The following CTU2 variants were observed in gnomAD, a reference collection of about 807,000 sequenced individuals.
The protein encoded by CTU2 is cytosolic thiouridylase subunit 2, also known as cytoplasmic tRNA 2-thiolation protein 2.
A neutral mutation model predicts 64.1 loss-of-function variants in CTU2; 80 were observed. The ratio of observed to expected loss-of-function variants is 1.25; its 90% confidence interval spans 1.04 to 1.50. The LOEUF (loss-of-function observed/expected upper bound fraction) is 1.50, where lower values mean the gene tolerates loss of function less well. Ranked by LOEUF, CTU2 falls within the 40% of genes most tolerant of loss-of-function variation. The pLI is 0.00. For synonymous variants in CTU2, 482 were observed against 285.3 expected, an observed-to-expected ratio of 1.69 and a Z score of -6.95; for missense variants, 1,110 against 690.2, an observed-to-expected ratio of 1.61 and a Z score of -6.81.
chr16:88,708,532 C>T (rs868743448), intron 2 of CTU2, among the ~76,000 whole-genome samples: 6 of 152,158 alleles, frequency 3.9e-5, no homozygotes, highest in Admixed American at 6.5e-5. Context: ...AGACTCCCCA[C>T]GCCCAAAGCT....
chr16:88,713,974 G>A lies in CTU2; in HGVS notation c.1006-162G>A, dbSNP rs528433160. Among the ~76,000 whole-genome samples, 5 of 152,324 alleles carry A rather than the reference G, an allele frequency of 3.3e-5. No individual in the cohort carries two copies. The South Asian group carries it at 6.2e-4, about 19-fold the overall frequency. On this transcript the variant is annotated intron_variant, in intron 9 of 14. Transcript: ENST00000453996. ...GTGACAGGAGGACCCCACAGTGGGT[G>A]CACTGCTGAAGCGGGTTCTCTGGCT...
chr16:88,715,197 G>C lies in CTU2; in HGVS notation c.1494G>C (p.Gln498His), dbSNP rs762019291. 2.5e-6 allele frequency: 4 copies of C among 1,612,356 alleles called. No individual in the cohort carries two copies. In the South Asian group the frequency reaches 3.3e-5, roughly 13 times the overall value. Residue 498 changes from glutamine to histidine, a missense_variant, in exon 15 of 15, where the codon CAG (glutamine) becomes CAC (histidine). Transcript: ENST00000453996. Reference sequence around the variant, plus strand: ...TTCTCTCTAGGGCCTGGGGCTTGCAGGAGATCCGGGACTGTCTGATTGAGG... The same window carrying C: ...TTCTCTCTAGGGCCTGGGGCTTGCACGAGATCCGGGACTGTCTGATTGAGG... ...QLRTQRAWGL[Q>H]EIRDCLIEDS... is the part of the protein sequence containing the mutation.
At position 88,711,677 on chromosome 16, in the gene CTU2, G is replaced by A; in HGVS notation, c.325G>A (p.Gly109Arg). ...DSAKRLRFVA[G>R]VIFVDEGAAC... ...TGCCAAAAGACTGCGCTTTGTGGCA[G>A]GAGTCATCTTTGTTGACGGTATGTG... The change falls in exon 5 of 15, where the codon GGA becomes AGA. Residue 109 changes from glycine (G) to arginine (R), a missense_variant. Physicochemically the swap from Gly to Arg is moderately radical, Grantham distance 125. Transcript: ENST00000453996. 6.2e-7 allele frequency: 1 copy of A among 1,608,710 alleles called. No homozygotes were observed. The highest frequency in any genetic ancestry group is 8.5e-7 in the Non-Finnish European group (1 of 1,176,726).
At chr16:88,712,534 C>A in intron 6 of CTU2, 88 bp from the exon 7 acceptor site, 1 of 1,531,678 alleles carries the variant, frequency 6.5e-7, no homozygotes, top group East Asian at 2.3e-5. Flanking sequence ...GCCTCACTGC[C>A]GTCTCCCGCA....
chr16:88,711,789 C>G, intron 5 of CTU2, 94 bp downstream of exon 5: 2 of 1,219,130 alleles, frequency 1.6e-6, no homozygotes, highest in African/African-American at 3.0e-5. Flanking sequence ...TGGTGCCGGT[C>G]CTCCCTCTGG....
rs752971342 is a variant in CTU2 at position 88,715,106 on chromosome 16, G to A, written c.1478G>A (p.Arg493Lys). 6.3e-7 allele frequency: 1 copy of A among 1,589,742 alleles called. No individual in the cohort carries two copies. The highest frequency in any genetic ancestry group is 8.6e-7 in the Non-Finnish European group (1 of 1,167,612). Residue 493 changes from arginine (R) to lysine (K), a missense_variant and splice_region_variant, in exon 14 of 15, where the codon AGG (arginine) becomes AAG (lysine). Transcript: ENST00000453996. ...ILAEAQLRTQ[R>K]AWGLQEIRDC... is the part of the protein sequence containing the mutation. ...GCTGAGGCCCAGCTCCGCACACAGA[G>A]GTACTGGGGCCCACACTGCCGTGGC...
chr16:88,708,337 G>C (rs867301053), intron 2 of CTU2, among the ~76,000 whole-genome samples: 32 of 152,196 alleles, frequency 2.1e-4, no homozygotes, highest in Middle Eastern at 3.2e-3. Flanking sequence ...GGATCATTCA[G>C]GTCAGCACGT....
At chr16:88,707,069 A>T (rs1910918150) in intron 1 of CTU2, 67 bp from the exon 2 acceptor site, 2 of 1,521,758 alleles carry the variant, frequency 1.3e-6, no homozygotes, top group African/African-American at 2.7e-5. Context: ...CTGTCTCCCC[A>T]AAGCCCACTA....
Position 88,706,614 on chromosome 16 carries a change from C to A in CTU2, c.68+16C>A. 1 of 1,397,834 alleles carries A rather than the reference C, an allele frequency of 7.2e-7. No individual in the cohort carries two copies. The highest frequency in any genetic ancestry group is 9.2e-7 in the Non-Finnish European group (1 of 1,083,390). The allele number at this position is 1,397,834 out of a possible 1,614,324, so 86.6% of individuals were successfully genotyped here. A position where few individuals can be genotyped will look rare whatever the true frequency, so the allele number is the denominator to read the frequency against. ...CGCGGCCCAGGTAAGAGCTGGCGGC[C>A]GGACCCGCCAGGCCGCCCCTCGCCT... On this transcript the variant is annotated intron_variant, in intron 1 of 14. Transcript: ENST00000453996.
chr16:88,710,586 A>C (rs973910927), intron 4 of CTU2: 13 of 385,812 alleles, frequency 3.4e-5, no homozygotes, highest in African/African-American at 2.2e-4. Context: ...CACAAATCAG[A>C]AGCTGGGTCC....
chr16:88,709,295 T>A (rs1911135887), intron 2 of CTU2: 1 of 152,212 alleles, frequency 6.6e-6, no homozygotes, highest in Non-Finnish European at 1.5e-5. Context: ...AAAATGCAGT[T>A]CCCAGGCCTG....
chr16:88,708,235 GC>G (rs1879970354), intron 2 of CTU2, among the ~76,000 whole-genome samples: 1 of 152,210 alleles, frequency 6.6e-6, no homozygotes, highest in South Asian at 2.1e-4. Flanking sequence ...GGCCAGAAGG[GC>G]TTTTGCTGTG....
At position 88,712,327 on chromosome 16, in the gene CTU2, G is replaced by C; in HGVS notation, c.397G>C (p.Val133Leu). 6.2e-7 allele frequency: 1 copy of C among 1,610,784 alleles called. No individual in the cohort carries two copies. The highest frequency in any genetic ancestry group is 8.5e-7 in the Non-Finnish European group (1 of 1,178,580). Reference sequence around the variant, plus strand: ...GGAGAGATCAAAGACCCTGGCCGAAGTGAAGCCCATTCTGCAAGCAACTGG... The same window carrying C: ...GGAGAGATCAAAGACCCTGGCCGAACTGAAGCCCATTCTGCAAGCAACTGG... ...LEERSKTLAE[V>L]KPILQATGFP... Residue 133 changes from valine to leucine, a missense_variant, in exon 6 of 15, where the codon GTG (valine) becomes CTG (leucine). Val to Leu is a conservative substitution (Grantham distance 32). Transcript: ENST00000453996.
chr16:88,706,681 C>T, intron 1 of CTU2, 83 bp downstream of exon 1: 1 of 1,069,954 alleles, frequency 9.3e-7, no homozygotes, highest in South Asian at 2.2e-5. Flanking sequence ...GCCGGGCTTG[C>T]TCCGGGAAGC....
intron 11 of CTU2, 22 bp from the exon 12 acceptor site, chr16:88,714,565 G>A (rs369919127): frequency 4.3e-5 from 70 of 1,612,512 alleles, no homozygotes; most frequent in South Asian, 1.3e-4. Context: ...CCCAGGCTCC[G>A]TCACCCCCTC....
rs1348019008 is a variant in CTU2 at position 88,713,761 on chromosome 16, C to G, written c.988C>G (p.Pro330Ala). The G allele has an allele frequency of 1.2e-6, 2 of 1,612,598 alleles. No homozygotes were observed. Among genetic ancestry groups the G allele is most frequent in the South Asian group, 1.1e-5 (1 of 91,084 alleles). The change falls in exon 9 of 15, where the codon CCA (proline) becomes GCA (alanine). Residue 330 changes from proline to alanine, a missense_variant. By Grantham distance (27) the Pro-to-Ala change is conservative (BLOSUM62 -1). Transcript: ENST00000453996. ...GTTCTCCGTTCCTTCTGTCTTCACA[C>G]CAGCCGTCGACACCAAGGTGGGCCT... is the stretch of plus-strand genomic sequence containing the variant. Reference protein sequence around the residue: ...RLFSVPSVFTPAVDTKAPEKA... With the variant: ...RLFSVPSVFTAAVDTKAPEKA...
intron 4 of CTU2, among the ~76,000 whole-genome samples, chr16:88,711,214 G>T (rs1268433348): frequency 6.6e-6 from 1 of 152,176 alleles, no homozygotes; most frequent in Non-Finnish European, 1.5e-5. Flanking sequence ...TGTAACGCTG[G>T]TGCTGCCCTT....
At position 88,714,646 on chromosome 16, in the gene CTU2, A is replaced by T. The variant is rs372182101; in HGVS notation, c.1261A>T (p.Ile421Phe). Reference sequence around the variant, plus strand: ...GCGTCTCTCCCAGATGCAGTCACCCATCCCCCTGACTGAGACCCGGACACC... The same window carrying T: ...GCGTCTCTCCCAGATGCAGTCACCCTTCCCCCTGACTGAGACCCGGACACC... ...SSRLSQMQSP[I>F]PLTETRTPPG... Residue 421 changes from isoleucine to phenylalanine, a missense_variant, in exon 12 of 15, where the codon ATC (isoleucine) becomes TTC (phenylalanine). Transcript: ENST00000453996. 1.2e-5 allele frequency: 20 copies of T among 1,612,498 alleles called. No homozygotes were observed. Among genetic ancestry groups the T allele is most frequent in the Non-Finnish European group, 1.7e-5 (20 of 1,179,836 alleles).
chr16:88,706,742 A>G, intron 1 of CTU2, 144 bp downstream of exon 1: 1 of 595,076 alleles, frequency 1.7e-6, no homozygotes, highest in Non-Finnish European at 2.7e-6. Flanking sequence ...AATGCCTGTC[A>G]AGCGGTGACG....
Sources: gnomAD v4.1 joint callset for allele counts (sites outside exome capture counted in the v4.1 genomes callset) on GRCh38, gnomAD v4.1.1 for gene constraint, MANE v1.5 for transcripts, NCBI Gene and HGNC (gene_info 2026-07-23, HGNC 2026-07-21) for gene names.